SLC9D1: variants seen among roughly 807,000 people sequenced by gnomAD.
The protein encoded by SLC9D1 is putative LAG1-interacting protein.
chr13:113,519,692 G>T, the SLC9D1 span, among the ~76,000 whole-genome samples: 1 of 151,304 alleles, frequency 6.6e-6, no homozygotes, highest in East Asian at 1.9e-4. Flanking sequence ...GTCTGTGTTG[G>T]TCACACAGTG....
the SLC9D1 span, chr13:113,500,049 A>G: frequency 1.9e-6 from 3 of 1,594,018 alleles, no homozygotes; most frequent in Non-Finnish European, 2.6e-6. Flanking sequence ...GTGGAGGATG[A>G]CTTGGGTCTT....
the SLC9D1 span, chr13:113,495,761 T>C: frequency 2.5e-6 from 4 of 1,613,996 alleles, no homozygotes; most frequent in African/African-American, 4.0e-5. Context: ...TCTCAGGGCT[T>C]CTCCGCCAGA....
At chr13:113,545,307 C>CAATT in the SLC9D1 span, among the ~76,000 whole-genome samples, 1 of 151,960 alleles carries the variant, frequency 6.6e-6, no homozygotes, top group East Asian at 1.9e-4. Context: ...GCTGGGTCCA[C>CAATT]AGTGAATGTG....
the SLC9D1 span, chr13:113,495,604 T>G: frequency 5.2e-5 from 80 of 1,545,396 alleles, no homozygotes; most frequent in African/African-American, 6.9e-4. Context: ...GGAAGAAGCT[T>G]CTTCTGGGTG....
At chr13:113,502,273 G>T in the SLC9D1 span, among the ~76,000 whole-genome samples, 6 of 152,254 alleles carry the variant, frequency 3.9e-5, no homozygotes, top group South Asian at 6.2e-4. Flanking sequence ...GAGTGCAATG[G>T]TGCAATCTTG....
the SLC9D1 span, among the ~76,000 whole-genome samples, chr13:113,519,805 C>T: frequency 3.4e-4 from 51 of 152,168 alleles, no homozygotes; most frequent in Admixed American, 5.9e-4. Context: ...GGCTTGGGTG[C>T]GTCTGCACCA....
At chr13:113,499,419 T>C in the SLC9D1 span, among the ~76,000 whole-genome samples, 1 of 152,232 alleles carries the variant, frequency 6.6e-6, no homozygotes, top group South Asian at 2.1e-4. Context: ...ACCCTGCTCA[T>C]ATTCAAGATG....
the SLC9D1 span, among the ~76,000 whole-genome samples, chr13:113,520,382 G>A: frequency 6.6e-6 from 1 of 150,996 alleles, no homozygotes; most frequent in African/African-American, 2.4e-5. Context: ...TACTCAGGAG[G>A]CTAAGGCAGG....
chr13:113,525,078 T>A, the SLC9D1 span, among the ~76,000 whole-genome samples: 1 of 152,230 alleles, frequency 6.6e-6, no homozygotes, highest in Non-Finnish European at 1.5e-5. Flanking sequence ...ATGTAACTTA[T>A]CACTGTTTGC....
At chr13:113,543,109 G>GCCTCCCGCCCTACCTCTGTCTGTGA in the SLC9D1 span, among the ~76,000 whole-genome samples, 16 of 55,362 alleles carry the variant, frequency 2.9e-4, no homozygotes, top group African/African-American at 1.2e-3. Flanking sequence ...TCCTCCCCCT[G>GCCTCCCGCCCTACCTCTGTCTGTGA]CCCCCAGCCC....
At chr13:113,526,966 G>A in the SLC9D1 span, among the ~76,000 whole-genome samples, 7 of 152,330 alleles carry the variant, frequency 4.6e-5, no homozygotes, top group African/African-American at 7.2e-5. Flanking sequence ...GTGCAGTCAC[G>A]TGCTGTGCAG....
the SLC9D1 span, among the ~76,000 whole-genome samples, chr13:113,541,627 C>T: frequency 6.9e-6 from 1 of 144,446 alleles, no homozygotes; most frequent in African/African-American, 2.6e-5. Context: ...ATGATACGCA[C>T]ACGATTGCTG....
chr13:113,501,927 A>AAGTTAT, the SLC9D1 span: 1 of 1,469,992 alleles, frequency 6.8e-7, no homozygotes. Flanking sequence ...ACAGAATATA[A>AAGTTAT]AAAGAGAATT....
chr13:113,549,299 G>C, the SLC9D1 span: 45 of 1,081,554 alleles, frequency 4.2e-5, no homozygotes, highest in Middle Eastern at 9.0e-4. Context: ...GCGTGACTGT[G>C]CTCAGCCTCA....
the SLC9D1 span, among the ~76,000 whole-genome samples, chr13:113,532,954 C>T: frequency 6.0e-3 from 298 of 49,610 alleles, 1 homozygote; most frequent in East Asian, 0.028. Context: ...CTCCTGAAGT[C>T]GCAGACGTGG....
the SLC9D1 span, among the ~76,000 whole-genome samples, chr13:113,535,970 T>C: frequency 6.6e-6 from 1 of 152,246 alleles, no homozygotes; most frequent in African/African-American, 2.4e-5. This position sits in a 1 kb window ranked among gnomAD's most constrained non-coding sequence, Gnocchi z 4.1. Flanking sequence ...TATCAGCACC[T>C]GAGTGGGATC....
chr13:113,510,500 G>T, the SLC9D1 span: 1 of 1,425,798 alleles, frequency 7.0e-7, no homozygotes, highest in Non-Finnish European at 9.6e-7. Flanking sequence ...ACAGTTGAGG[G>T]CATGTGAGGA....
the SLC9D1 span, chr13:113,495,987 C>G: frequency 1.2e-6 from 2 of 1,612,854 alleles, no homozygotes; most frequent in Non-Finnish European, 1.7e-6. Context: ...GGAGAGCAGC[C>G]GGCAGCGCCT....
the SLC9D1 span, chr13:113,499,848 C>A: frequency 1.8e-6 from 1 of 560,080 alleles, no homozygotes; most frequent in Non-Finnish European, 2.9e-6. Flanking sequence ...TAATTCACTG[C>A]TAATGAACAC....
Sources: allele counts gnomAD v4.1 joint callset (sites outside exome capture counted in the v4.1 genomes callset), GRCh38; gene constraint gnomAD v4.1.1; non-coding constraint Gnocchi (gnomAD v3.1); transcripts MANE v1.5; gene names NCBI Gene and HGNC (gene_info 2026-07-23, HGNC 2026-07-21).